PLCXD3: variants seen among roughly 807,000 people sequenced by gnomAD.
The protein encoded by PLCXD3 is PI-PLC X domain-containing protein 3.
Under a neutral mutation model 25.5 loss-of-function variants are expected in PLCXD3, and 19 were observed. The observed-to-expected ratio is 0.75, with a 90% CI of 0.52 to 1.09. PLCXD3 has a LOEUF of 1.09. PLCXD3 is among the 50% of genes least tolerant of loss of function. The pLI is 0.00. For synonymous variants in PLCXD3, 174 were observed against 137.6 expected, an observed-to-expected ratio of 1.26 and a Z score of -1.85; for missense variants, 411 against 388.1, an observed-to-expected ratio of 1.06 and a Z score of -0.50.
intron 1 of PLCXD3, among the ~76,000 whole-genome samples, chr5:41,503,191 A>C (rs1485258728): frequency 6.6e-6 from 1 of 152,180 alleles, no homozygotes; most frequent in African/African-American, 2.4e-5. Context: ...CTAGCTAACA[A>C]GCCATAGGGG....
At chr5:41,331,266 A>C (rs1159798130) in intron 2 of PLCXD3, among the ~76,000 whole-genome samples, 1 of 152,156 alleles carries the variant, frequency 6.6e-6, no homozygotes, top group Non-Finnish European at 1.5e-5. Context: ...TACAAAATCA[A>C]TGTACAAAAA....
At chr5:41,404,373 A>G (rs1746290600) in intron 1 of PLCXD3, among the ~76,000 whole-genome samples, 3 of 152,144 alleles carry the variant, frequency 2.0e-5, no homozygotes, top group African/African-American at 7.2e-5. Flanking sequence ...TTCTTATGGT[A>G]TAACTCGGCA....
rs1441357410 is a variant in PLCXD3 at position 41,508,157 on chromosome 5, G to C, written c.103+2267C>G. Among the ~76,000 whole-genome samples the C allele has an allele frequency of 8.5e-5, 13 of 152,244 alleles. No homozygotes were observed. The East Asian group carries it at 2.5e-3, about 29-fold the overall frequency. On this transcript the variant is annotated intron_variant, in intron 1 of 2. Coordinates refer to ENST00000377801, the MANE Select transcript of PLCXD3 (RefSeq NM_001005473.3). ...ATCCATTTGAGTATAATACCAACAGGAGCTGGGAAAACAATATAAATTCCC... is the reference window on the plus strand; with the variant it reads ...ATCCATTTGAGTATAATACCAACAGCAGCTGGGAAAACAATATAAATTCCC...
chr5:41,443,979 A>T (rs781510123), intron 1 of PLCXD3, among the ~76,000 whole-genome samples: 2 of 152,172 alleles, frequency 1.3e-5, no homozygotes, highest in Non-Finnish European at 2.9e-5. Context: ...CATAGTTAAA[A>T]TAGTATTCTT....
intron 2 of PLCXD3, among the ~76,000 whole-genome samples, chr5:41,337,436 T>C (rs1405336616): frequency 6.6e-6 from 1 of 152,174 alleles, no homozygotes; most frequent in Non-Finnish European, 1.5e-5. Flanking sequence ...CAGGACTTTT[T>C]GTGTACAGTA....
chr5:41,329,896 G>C (rs1743742232), intron 2 of PLCXD3, among the ~76,000 whole-genome samples: 1 of 150,644 alleles, frequency 6.6e-6, no homozygotes, highest in African/African-American at 2.4e-5. Flanking sequence ...ATAAATCCAT[G>C]TCAAATTCTT....
chr5:41,491,871 G>T (rs940762927), intron 1 of PLCXD3, among the ~76,000 whole-genome samples: 5 of 152,176 alleles, frequency 3.3e-5, no homozygotes, highest in African/African-American at 1.2e-4. Flanking sequence ...ACACTGATGG[G>T]TCTTGACTCT....
At position 41,313,427 on chromosome 5, in the gene PLCXD3, G is replaced by A. The variant is rs906810108; in HGVS notation, c.*190C>T. 2.9e-5 allele frequency: 15 copies of A among 508,566 alleles called. No homozygotes were observed. The highest frequency in any genetic ancestry group is 4.3e-5 in the Non-Finnish European group (13 of 304,558). The allele number at this position is 508,566 out of a possible 1,614,324, so 31.5% of individuals were successfully genotyped here. A position where few individuals can be genotyped will look rare whatever the true frequency, so the allele number is the denominator to read the frequency against. On this transcript the variant is annotated 3_prime_UTR_variant, in exon 3 of 3. Transcript: ENST00000377801. Reference sequence around the variant, plus strand: ...AGATTTTGCTCATCAAATGGGAAATGAAATATTTATAGTAATGAAGAGTAT... The same window carrying A: ...AGATTTTGCTCATCAAATGGGAAATAAAATATTTATAGTAATGAAGAGTAT...
At chr5:41,401,028 G>A (rs1746170244) in intron 1 of PLCXD3, among the ~76,000 whole-genome samples, 1 of 151,642 alleles carries the variant, frequency 6.6e-6, no homozygotes, top group African/African-American at 2.4e-5. Flanking sequence ...AAAGAATATA[G>A]TGTGCTTATT....
In PLCXD3 at chr5:41,313,585, C is replaced by T. The variant is rs955276991; in HGVS notation, c.*32G>A. The stretch of plus-strand genomic sequence containing the variant: ...ATGCCCTAATACAATGAGCTTTCTC[C>T]ATCTTATTCATGGAAACTCCAAGTA... On this transcript the variant is annotated 3_prime_UTR_variant, in exon 3 of 3. Transcript: ENST00000377801. The T allele has an allele frequency of 2.5e-6, 4 of 1,612,280 alleles. No individual in the cohort carries two copies. Among genetic ancestry groups the T allele is most frequent in the Admixed American group, 1.7e-5 (1 of 59,946 alleles).
chr5:41,446,341 CCAAT>C lies in PLCXD3; in HGVS notation c.104-63811_104-63808del, dbSNP rs1317180209. Among the ~76,000 whole-genome samples the C allele has an allele frequency of 5.9e-5, 9 of 151,964 alleles. No individual in the cohort carries two copies. The East Asian group carries it at 1.7e-3, about 30-fold the overall frequency. The stretch of plus-strand genomic sequence containing the variant: ...CCCTTGGCTTTGGAGAATGGATTGG[CCAAT>C]CACATTCATACCAAAGCCATTAACC... On this transcript the variant is annotated intron_variant, in intron 1 of 2. Coordinates refer to ENST00000377801, the MANE Select transcript of PLCXD3 (RefSeq NM_001005473.3).
intron 2 of PLCXD3, among the ~76,000 whole-genome samples, chr5:41,350,246 T>C (rs1744418199): frequency 6.6e-6 from 1 of 152,210 alleles, no homozygotes; most frequent in Non-Finnish European, 1.5e-5. Context: ...TGAAAACGAA[T>C]GAGGCATATT....
Position 41,381,870 on chromosome 5 carries a change from C to T in PLCXD3, c.768G>A (p.Val256=). 4 of 1,612,704 alleles carry T rather than the reference C, an allele frequency of 2.5e-6. No individual in the cohort carries two copies. Among genetic ancestry groups the T allele is most frequent in the South Asian group, 1.1e-5 (1 of 90,996 alleles). Residue 256 remains valine (V), a synonymous_variant, in exon 2 of 3, where the codon GTG becomes GTA. Transcript: ENST00000377801. ...TGAGGCCACTTGCCACCCCTTTGAC[C>T]ACAGTGCTAGCTTTGGGGGTCAGCA... The part of the protein sequence containing the change: ...QVVLTPKAST[V]VKGVASGLRE...
Position 41,309,904 on chromosome 5 carries a change from G to A in PLCXD3, c.*3713C>T, listed in dbSNP as rs1022624182. Reference sequence around the variant, plus strand: ...TTGAATTATGTTTATATCTACTAATGTAGGAGATATTGATTTTAAGAGTTG... The same window carrying A: ...TTGAATTATGTTTATATCTACTAATATAGGAGATATTGATTTTAAGAGTTG... On this transcript the variant is annotated 3_prime_UTR_variant, in exon 3 of 3. Coordinates refer to ENST00000377801, the MANE Select transcript of PLCXD3 (RefSeq NM_001005473.3). 1.3e-5 allele frequency: 2 copies of A among 152,052 alleles called. No homozygotes were observed. Among genetic ancestry groups the A allele is most frequent in the Non-Finnish European group, 2.9e-5 (2 of 67,990 alleles). 9.4% of individuals were successfully genotyped at this position (152,052 alleles called of 1,614,324 possible).
intron 2 of PLCXD3, among the ~76,000 whole-genome samples, chr5:41,372,623 A>G (rs1172534515): frequency 6.6e-6 from 1 of 152,080 alleles, no homozygotes; most frequent in Non-Finnish European, 1.5e-5. Flanking sequence ...CCTCTGTCAT[A>G]CAGTCTCACA....
intron 1 of PLCXD3, among the ~76,000 whole-genome samples, chr5:41,418,376 C>T (rs1580363128): frequency 6.6e-6 from 1 of 152,160 alleles, no homozygotes; most frequent in African/African-American, 2.4e-5. Flanking sequence ...CTGGGGTCTG[C>T]TCTCCATATG....
chr5:41,510,579 C>T lies in PLCXD3; in HGVS notation c.-53G>A. 1 of 1,422,028 alleles carries T rather than the reference C, an allele frequency of 7.0e-7. No homozygotes were observed. 88.1% of individuals were successfully genotyped at this position (1,422,028 alleles called of 1,614,324 possible). On this transcript the variant is annotated 5_prime_UTR_variant, in exon 1 of 3. Transcript: ENST00000377801. ...TCCCAGCACTCCTCGGGCAGGCTGG[C>T]AGGCTGCTGCCGCTAATCCAATGTT... is the stretch of plus-strand genomic sequence containing the variant.
Position 41,440,989 on chromosome 5 carries a change from A to G in PLCXD3, c.104-58455T>C, listed in dbSNP as rs138201738. ...GTTAGTGTATAATGCAGACAAAAAC[A>G]GACAGAGTGGACTTCAGGCCCACAG... On this transcript the variant is annotated intron_variant, in intron 1 of 2. Coordinates refer to ENST00000377801, the MANE Select transcript of PLCXD3 (RefSeq NM_001005473.3). Among the ~76,000 whole-genome samples, 34 of 152,348 alleles carry G rather than the reference A, an allele frequency of 2.2e-4. 1 individual carries two copies. The East Asian group carries it at 6.6e-3, about 29-fold the overall frequency.
Position 41,381,847 on chromosome 5 carries a change from A to G in PLCXD3, c.791T>C (p.Leu264Pro). 6.2e-7 allele frequency: 1 copy of G among 1,608,302 alleles called. No individual in the cohort carries two copies. ...STVVKGVASG[L>P]RETITERALP... is the part of the protein sequence containing the mutation. ...TTACCTTTCTGTGATTGTTTCTCTG[A>G]GGCCACTTGCCACCCCTTTGACCAC... is the stretch of plus-strand genomic sequence containing the variant. The change falls in exon 2 of 3, where the codon CTC (leucine) becomes CCC (proline). Residue 264 changes from leucine (L) to proline (P), a missense_variant. Leu to Pro is a moderately conservative substitution (Grantham distance 98). Transcript: ENST00000377801.
Sources: gnomAD v4.1 joint callset for allele counts (sites outside exome capture counted in the v4.1 genomes callset) on GRCh38, gnomAD v4.1.1 for gene constraint, MANE v1.5 for transcripts, NCBI Gene and HGNC (gene_info 2026-07-23, HGNC 2026-07-21) for gene names.